SPG7: variants seen among roughly 807,000 people sequenced by gnomAD.
SPG7 encodes the protein SPG7 matrix AAA peptidase subunit, paraplegin.
Under a neutral mutation model 81.9 loss-of-function variants are expected in SPG7, and 103 were observed. That is an observed-to-expected ratio of 1.26 (90% CI 1.07 to 1.48). SPG7 has a LOEUF of 1.48. SPG7 is among the 40% of genes most tolerant of loss of function. The pLI, the probability that SPG7 is intolerant of heterozygous loss-of-function variation, is 0.00. For synonymous variants in SPG7, 534 were observed against 444.2 expected (o/e 1.20, Z -2.54); for missense variants, 1,241 against 1,087.3 (o/e 1.14, Z -1.99).
chr16:89,530,535 C>A (rs1597630712), intron 6 of SPG7, 148 bp from the exon 7 acceptor site: 1 of 849,412 alleles, frequency 1.2e-6, no homozygotes, highest in East Asian at 2.4e-5. Context: ...TGACTGTGAG[C>A]CTCGTCAGCC....
chr16:89,548,624 C>T (rs1409214187), intron 12 of SPG7: 2 of 322,510 alleles, frequency 6.2e-6, no homozygotes, highest in South Asian at 2.5e-5. Flanking sequence ...TCAGTAGGAA[C>T]GGGAGATGAG....
intron 9 of SPG7, chr16:89,543,000 T>C (rs909717648): frequency 1.0e-4 from 14 of 136,412 alleles, no homozygotes; most frequent in Admixed American, 6.9e-4. Flanking sequence ...CAGGCTGGAG[T>C]GCAGTGGCGT....
chr16:89,512,927 T>C, intron 2 of SPG7, 21 bp from the exon 3 acceptor site: 1 of 1,611,732 alleles, frequency 6.2e-7, no homozygotes. Flanking sequence ...AATTGTTAAA[T>C]CCTTTCTCTA....
At chr16:89,552,932 C>G in intron 13 of SPG7, 47 bp from the exon 14 acceptor site, 1 of 1,603,006 alleles carries the variant, frequency 6.2e-7, no homozygotes, top group Non-Finnish European at 8.5e-7. Flanking sequence ...CTCCTCAAAG[C>G]CCACGCATCC....
intron 13 of SPG7, 76 bp from the exon 14 acceptor site, chr16:89,552,903 C>G (rs185692760): frequency 7.0e-7 from 1 of 1,434,272 alleles, no homozygotes; most frequent in Admixed American, 1.7e-5. Flanking sequence ...TGACGGAGAC[C>G]TCTTAGTCCC....
intron 10 of SPG7, chr16:89,545,292 A>C: frequency 4.2e-6 from 1 of 239,316 alleles, no homozygotes; most frequent in Non-Finnish European, 8.3e-6. Context: ...GTTGGACGTT[A>C]CACTTCCTGG....
At chr16:89,535,139 G>A (rs944857849) in intron 9 of SPG7, among the ~76,000 whole-genome samples, 3 of 152,190 alleles carry the variant, frequency 2.0e-5, no homozygotes, top group Admixed American at 2.0e-4. Context: ...AGTGCATTTG[G>A]CAGGATTGGT....
chr16:89,532,481 T>C lies in SPG7; in HGVS notation c.1169T>C (p.Val390Ala), dbSNP rs2058357964. ...CCCTCAGGCCTCGGCGCTGCCCGTG[T>C]GCGGAGCCTCTTTAAGGAAGCCCGA... ...EVIGGLGAAR[V>A]RSLFKEARAR... The change falls in exon 9 of 17, where the codon GTG becomes GCG. Residue 390 changes from valine (V) to alanine (A), a missense_variant. Coordinates refer to ENST00000645818, the MANE Select transcript of SPG7 (RefSeq NM_003119.4). The C allele has an allele frequency of 1.2e-6, 2 of 1,613,560 alleles. No homozygotes were observed. Among genetic ancestry groups the C allele is most frequent in the Non-Finnish European group, 1.7e-6 (2 of 1,180,034 alleles).
chr16:89,552,998 C>A lies in SPG7; in HGVS notation c.1799C>A (p.Thr600Lys). ...TGCCAGGTCTCCATAACCCCTCGGA[C>A]AAACGCCGCCCTGGGCTTTGCTCAG... is the stretch of plus-strand genomic sequence containing the variant. ...AVMKVSITPR[T>K]NAALGFAQML... Residue 600 changes from threonine to lysine, a missense_variant, in exon 14 of 17, where the codon ACA (threonine) becomes AAA (lysine). Coordinates refer to ENST00000645818, the MANE Select transcript of SPG7 (RefSeq NM_003119.4). 6.2e-7 allele frequency: 1 copy of A among 1,613,954 alleles called. No individual in the cohort carries two copies. Among genetic ancestry groups the A allele is most frequent in the Non-Finnish European group, 8.5e-7 (1 of 1,179,882 alleles).
intron 9 of SPG7, chr16:89,540,260 A>T (rs568856834): frequency 6.6e-6 from 1 of 152,182 alleles, no homozygotes; most frequent in Admixed American, 6.5e-5. Context: ...TGAGATTTTG[A>T]TAGGAACACA....
chr16:89,540,800 G>A (rs2058484811), intron 9 of SPG7: 1 of 710,920 alleles, frequency 1.4e-6, no homozygotes, highest in African/African-American at 1.9e-5. Flanking sequence ...ACCCTCCTGG[G>A]TGCTCATCCC....
intron 7 of SPG7, 195 bp from the exon 8 acceptor site, chr16:89,531,709 C>A: frequency 1.6e-6 from 1 of 618,604 alleles, no homozygotes; most frequent in East Asian, 2.8e-5. Flanking sequence ...GGCGTGGTGC[C>A]ACATGCCTGT....
chr16:89,526,197 T>A, intron 4 of SPG7, 132 bp from the exon 5 acceptor site: 1 of 1,056,972 alleles, frequency 9.5e-7, no homozygotes, highest in Non-Finnish European at 1.5e-6. Context: ...TCACCTCTAG[T>A]TTCTGAATGG....
chr16:89,534,612 G>A (rs778807315), intron 9 of SPG7, among the ~76,000 whole-genome samples: 17 of 152,344 alleles, frequency 1.1e-4, no homozygotes, highest in Non-Finnish European at 2.1e-4. Flanking sequence ...GTCTGGAGTC[G>A]TGTGTGTTAG....
At position 89,532,508 on chromosome 16, in the gene SPG7, C is replaced by T. The variant is rs1200944920; in HGVS notation, c.1196C>T (p.Ala399Val). ...RVRSLFKEAR[A>V]RAPCIVYIDE... ...CGGAGCCTCTTTAAGGAAGCCCGAG[C>T]CCGGGCCCCCTGCATCGTCTACATC... Residue 399 changes from alanine (A) to valine (V), a missense_variant, in exon 9 of 17, where the codon GCC becomes GTC. Ala to Val is a moderately conservative substitution (Grantham distance 64). Transcript: ENST00000645818. The T allele has an allele frequency of 2.5e-6, 4 of 1,613,528 alleles. No homozygotes were observed. The highest frequency in any genetic ancestry group is 2.7e-5 in the African/African-American group (2 of 74,928).
intron 16 of SPG7, chr16:89,556,268 T>C (rs2152412940): frequency 2.5e-6 from 1 of 398,770 alleles, no homozygotes; most frequent in Non-Finnish European, 4.4e-6. Context: ...CCATTTTCTT[T>C]AGAAAATCTG....
chr16:89,536,954 C>T lies in SPG7; in HGVS notation c.1324+4318C>T, dbSNP rs752880551. On this transcript the variant is annotated intron_variant, in intron 9 of 16. Coordinates refer to ENST00000645818, the MANE Select transcript of SPG7 (RefSeq NM_003119.4). The stretch of plus-strand genomic sequence containing the variant: ...TGAGTGACTTGAGCCCAAAGGCAAG[C>T]GTATATCAAACGATCTTCTCCACAT... The T allele has an allele frequency of 8.7e-6, 14 of 1,614,088 alleles. No individual in the cohort carries two copies. The Middle Eastern group carries it at 6.6e-4, about 76-fold the overall frequency.
intron 3 of SPG7, among the ~76,000 whole-genome samples, chr16:89,515,030 A>G (rs1597607881): frequency 7.3e-6 from 1 of 137,430 alleles, no homozygotes; most frequent in African/African-American, 2.8e-5. Context: ...TCCGTCTCCC[A>G]GGTTCACGCC....
In SPG7 at chr16:89,544,929, G is replaced by T. The variant is rs535761691; in HGVS notation, c.1449+157G>T. On this transcript the variant is annotated intron_variant, in intron 10 of 16. Transcript: ENST00000645818. ...AGCGTGGCCCCCGCATCGGCTGCAC[G>T]CCCCCAGCAGACCTGCCCACCGGCT... The T allele has an allele frequency of 3.5e-6, 3 of 857,794 alleles. No individual in the cohort carries two copies. In the South Asian group the frequency reaches 4.3e-5, roughly 12 times the overall value. 53.1% of individuals were successfully genotyped at this position (857,794 alleles called of 1,614,324 possible).
Sources: allele counts gnomAD v4.1 joint callset (sites outside exome capture counted in the v4.1 genomes callset), GRCh38; gene constraint gnomAD v4.1.1; transcripts MANE v1.5; gene names NCBI Gene and HGNC (gene_info 2026-07-23, HGNC 2026-07-21).